The following ATP9A variants were observed in gnomAD, a reference collection of about 807,000 sequenced individuals.
ATP9A encodes probable phospholipid-transporting ATPase IIA.
A neutral mutation model predicts 144.1 loss-of-function variants in ATP9A; 52 were observed. The observed-to-expected ratio is 0.36, with a 90% confidence interval of 0.29 to 0.45. ATP9A has a LOEUF of 0.45. ATP9A is among the 20% of genes least tolerant of loss of function. The pLI is 1.00. For synonymous variants in ATP9A, 582 were observed against 557.4 expected (o/e 1.04, Z -0.62); for missense variants, 947 against 1,392.7 (o/e 0.68, Z 5.09).
chr20:51,689,401 G>A (rs545330077), intron 8 of ATP9A, among the ~76,000 whole-genome samples: 210 of 152,282 alleles, frequency 1.4e-3, no homozygotes, highest in African/African-American at 3.6e-3. Flanking sequence ...ACTGAAAAAT[G>A]TTTTATGAGG....
At chr20:51,690,292 C>A (rs2077542505) in intron 8 of ATP9A, among the ~76,000 whole-genome samples, 1 of 151,430 alleles carries the variant, frequency 6.6e-6, no homozygotes, top group Non-Finnish European at 1.5e-5. Context: ...CAGTGGCGGG[C>A]GCCTGTAATC....
At chr20:51,693,692 T>C (rs539156392) in intron 7 of ATP9A, among the ~76,000 whole-genome samples, 1 of 152,298 alleles carries the variant, frequency 6.6e-6, no homozygotes, top group South Asian at 2.1e-4. Flanking sequence ...TGCATGCCGC[T>C]GAGCCTGGCC....
chr20:51,761,357 G>A (rs1038118214), intron 1 of ATP9A, among the ~76,000 whole-genome samples: 4 of 152,216 alleles, frequency 2.6e-5, no homozygotes, highest in South Asian at 4.1e-4. Context: ...CGGGCTTCCT[G>A]TCTAGATTCC....
At position 51,625,308 on chromosome 20, in the gene ATP9A, T is replaced by C; in HGVS notation, c.1900A>G (p.Thr634Ala). ...SVHDRSLKVATVIESLEMEME... is the reference protein window; with the variant it reads ...SVHDRSLKVAAVIESLEMEME... ...TCCATCTCCAGGCTCTCGATCACCG[T>C]GGCCACTTTGAGGGAGCGGTCGTGC... The change falls in exon 18 of 28, where the codon ACG (threonine) becomes GCG (alanine). Residue 634 changes from threonine to alanine, a missense_variant. Physicochemically the swap from Thr to Ala is moderately conservative, Grantham distance 58. Transcript: ENST00000338821. The C allele has an allele frequency of 6.2e-7, 1 of 1,614,214 alleles. No homozygotes were observed. The highest frequency in any genetic ancestry group is 8.5e-7 in the Non-Finnish European group (1 of 1,180,018).
intron 1 of ATP9A, among the ~76,000 whole-genome samples, chr20:51,754,426 C>A (rs1177083689): frequency 2.0e-5 from 3 of 151,816 alleles, no homozygotes; most frequent in Non-Finnish European, 4.4e-5. Context: ...TTGCTTGAAC[C>A]CAGGAGGCGG....
intron 10 of ATP9A, among the ~76,000 whole-genome samples, chr20:51,675,133 A>G (rs906205325): frequency 2.0e-5 from 3 of 152,190 alleles, no homozygotes; most frequent in African/African-American, 7.2e-5. Flanking sequence ...TATTTTAATA[A>G]TAATACATTT....
intron 15 of ATP9A, among the ~76,000 whole-genome samples, chr20:51,635,826 G>GGAAGGAAGGAAGAAAGGAAGGAAGGA (rs1193048703): frequency 1.1e-4 from 5 of 46,830 alleles, no homozygotes; most frequent in Non-Finnish European, 1.7e-4. Context: ...GGAAGGAAGG[G>GGAAGGAAGGAAGAAAGGAAGGAAGGA]AGGGAGGGAG....
chr20:51,656,057 T>C (rs2077385553), intron 14 of ATP9A, among the ~76,000 whole-genome samples: 1 of 152,012 alleles, frequency 6.6e-6, no homozygotes, highest in South Asian at 2.1e-4. Context: ...GTTCCAGATG[T>C]TTGGAGTGTC....
intron 1 of ATP9A, among the ~76,000 whole-genome samples, chr20:51,747,716 G>A (rs2077814542): frequency 6.6e-6 from 1 of 152,090 alleles, no homozygotes; most frequent in Non-Finnish European, 1.5e-5. Flanking sequence ...TCTTCCCTGT[G>A]GGTATTCTGC....
chr20:51,740,200 G>A (rs2077778870), intron 1 of ATP9A, among the ~76,000 whole-genome samples: 1 of 151,824 alleles, frequency 6.6e-6, no homozygotes, highest in Non-Finnish European at 1.5e-5. Context: ...GGGACTACAG[G>A]CATGCACCAC....
intron 13 of ATP9A, among the ~76,000 whole-genome samples, chr20:51,665,764 G>GC (rs1443625451): frequency 1.7e-5 from 2 of 115,438 alleles, no homozygotes; most frequent in African/African-American, 5.2e-5. Context: ...GAATAACCCA[G>GC]GGGAAAAACC....
At position 51,607,567 on chromosome 20, in the gene ATP9A, G is replaced by A. The variant is rs2077168306; in HGVS notation, c.2763C>T (p.Tyr921=). Residue 921 remains tyrosine (Y), a synonymous_variant, in exon 26 of 28, where the codon TAC becomes TAT. Coordinates refer to ENST00000338821, the MANE Select transcript of ATP9A (RefSeq NM_006045.3). ...TCAAAACCCATATTAAGAATGTCTT[G>A]TAGGACAACGGCCGTCCCTGAATGA... ...KDLLKGRPLS[Y]KTFLIWVLIS... 3.1e-6 allele frequency: 5 copies of A among 1,613,264 alleles called. No individual in the cohort carries two copies. The highest frequency in any genetic ancestry group is 4.2e-6 in the Non-Finnish European group (5 of 1,179,484).
At chr20:51,604,144 G>T (rs1197684869) in intron 27 of ATP9A, among the ~76,000 whole-genome samples, 1 of 151,962 alleles carries the variant, frequency 6.6e-6, no homozygotes, top group Admixed American at 6.6e-5. Context: ...TTCTTTCTTG[G>T]TAACTTTGAT....
intron 22 of ATP9A, among the ~76,000 whole-genome samples, chr20:51,614,509 G>A (rs528280951): frequency 4.9e-4 from 75 of 151,880 alleles, no homozygotes; most frequent in African/African-American, 1.7e-3. Context: ...CCATGTTGCC[G>A]AGTTTGGTCT....
chr20:51,686,745 G>T lies in ATP9A; in HGVS notation c.799+2319C>A, dbSNP rs529812068. Among the ~76,000 whole-genome samples the T allele has an allele frequency of 4.6e-5, 7 of 152,240 alleles. No individual in the cohort carries two copies. In the South Asian group the frequency reaches 1.5e-3, roughly 32 times the overall value. ...AGGTCAGGAGTTCGAGACCAGCCTG[G>T]CCAACATGGTGAAATCCCATCTTTA... On this transcript the variant is annotated intron_variant, in intron 9 of 27. Transcript: ENST00000338821.
At chr20:51,761,678 C>T (rs772336132) in intron 1 of ATP9A, among the ~76,000 whole-genome samples, 3 of 151,350 alleles carry the variant, frequency 2.0e-5, no homozygotes, top group Admixed American at 6.6e-5. Context: ...GAGAATGGCG[C>T]GAACCCGGAA....
intron 6 of ATP9A, among the ~76,000 whole-genome samples, chr20:51,694,817 AG>A (rs1438452398): frequency 2.0e-5 from 3 of 152,198 alleles, no homozygotes; most frequent in Non-Finnish European, 4.4e-5. Context: ...ACTGCAGTTC[AG>A]TCTTTGAGAA....
chr20:51,684,177 C>A (rs535675630), intron 9 of ATP9A, among the ~76,000 whole-genome samples: 1 of 151,904 alleles, frequency 6.6e-6, no homozygotes, highest in Non-Finnish European at 1.5e-5. Flanking sequence ...AGATCAAGAC[C>A]CTGTCTTGAA....
chr20:51,713,115 A>T (rs1985410303), intron 3 of ATP9A, 41 bp from the exon 4 acceptor site: 1 of 1,557,044 alleles, frequency 6.4e-7, no homozygotes, highest in African/African-American at 1.4e-5. Context: ...ACAGGCAGTG[A>T]GCCCTGCTGC....
Sources: gnomAD v4.1 joint callset for allele counts (sites outside exome capture counted in the v4.1 genomes callset) on GRCh38, gnomAD v4.1.1 for gene constraint, MANE v1.5 for transcripts, NCBI Gene and HGNC (gene_info 2026-07-23, HGNC 2026-07-21) for gene names.